AP1M1: variants seen among roughly 807,000 people sequenced by gnomAD.
AP1M1 encodes the protein AP-1 complex subunit mu-1.
In AP1M1, 18 loss-of-function variants were observed where a neutral mutation model predicts 57.1. That is an observed-to-expected ratio of 0.32 (90% CI 0.22 to 0.47). The LOEUF (loss-of-function observed/expected upper bound fraction) is 0.47. Ranked by LOEUF, AP1M1 falls within the 20% of genes least tolerant of loss-of-function variation. AP1M1 has a pLI of 1.00. For synonymous variants in AP1M1, 241 were observed against 237.9 expected, an observed-to-expected ratio of 1.01 and a Z score of -0.12; for missense variants, 362 against 593.5, an observed-to-expected ratio of 0.61 and a Z score of 4.05.
Position 16,233,570 on chromosome 19 carries a change from G to T in AP1M1, c.1125G>T (p.Pro375=), listed in dbSNP as rs199981304. The change falls in exon 10 of 12, where the codon CCG becomes CCT. Residue 375 remains proline, a synonymous_variant. Coordinates refer to ENST00000291439, the MANE Select transcript of AP1M1 (RefSeq NM_032493.4). The part of the protein sequence containing the change: ...VEAEDKEGKP[P]ISVKFEIPYF... ...CCGAAGACAAGGAGGGCAAGCCCCC[G>T]ATCAGTGTCAAGTTCGAGATCCCTT... The T allele has an allele frequency of 2.5e-6, 4 of 1,610,220 alleles. No individual in the cohort carries two copies. The highest frequency in any genetic ancestry group is 1.7e-6 in the Non-Finnish European group (2 of 1,178,498).
At position 16,240,056 on chromosome 19, in the gene AP1M1, A is replaced by G. The variant is rs2040759735; in HGVS notation, c.*5621A>G. The G allele has an allele frequency of 6.6e-6, 1 of 152,212 alleles. No individual in the cohort carries two copies. Among genetic ancestry groups the G allele is most frequent in the African/African-American group, 2.4e-5 (1 of 41,450 alleles). The allele number at this position is 152,212 out of a possible 1,614,324, so 9.4% of individuals were successfully genotyped here. Reference sequence around the variant, plus strand: ...CTTTTTTATTGTCATTATTCCTTAAATAATACAGTATAATGATTATGTAGC... The same window carrying G: ...CTTTTTTATTGTCATTATTCCTTAAGTAATACAGTATAATGATTATGTAGC... On this transcript the variant is annotated 3_prime_UTR_variant, in exon 12 of 12. Transcript: ENST00000291439.
At chr19:16,224,452 G>T (rs531973744) in intron 5 of AP1M1, among the ~76,000 whole-genome samples, 1 of 152,364 alleles carries the variant, frequency 6.6e-6, no homozygotes, top group South Asian at 2.1e-4. Flanking sequence ...TGCAGAGCTG[G>T]TGGCTGGGTC....
chr19:16,208,814 A>AT, intron 4 of AP1M1: 1 of 532,060 alleles, frequency 1.9e-6, no homozygotes, highest in Non-Finnish European at 3.3e-6. Context: ...ACTTGAGTGT[A>AT]TTGGCTTTTG....
Position 16,203,605 on chromosome 19 carries a change from C to T in AP1M1, c.189C>T (p.Asn63=). ...GGVRFMWIKH[N]NLYLVATSKK... ...TCCGTTTCATGTGGATCAAACACAA[C>T]AACCTGTATCGTATCCCTTTGCTGG... is the stretch of plus-strand genomic sequence containing the variant. The change falls in exon 2 of 12, where the codon AAC becomes AAT. Residue 63 remains asparagine (N), a synonymous_variant. Coordinates refer to ENST00000291439, the MANE Select transcript of AP1M1 (RefSeq NM_032493.4). The surrounding 1 kb of genome is among the most constrained non-coding windows in gnomAD (Gnocchi z 4.6). 2 of 1,610,498 alleles carry T rather than the reference C, an allele frequency of 1.2e-6. No homozygotes were observed. Among genetic ancestry groups the T allele is most frequent in the Non-Finnish European group, 1.7e-6 (2 of 1,177,740 alleles).
Position 16,239,857 on chromosome 19 carries a change from A to G in AP1M1, c.*5422A>G, listed in dbSNP as rs2091638875. Reference sequence around the variant, plus strand: ...AGACATAGATGAAGAGAATTAGTGCACTAGAAGAGAGCTGTCTGAGGCAGT... The same window carrying G: ...AGACATAGATGAAGAGAATTAGTGCGCTAGAAGAGAGCTGTCTGAGGCAGT... On this transcript the variant is annotated 3_prime_UTR_variant, in exon 12 of 12. Transcript: ENST00000291439. The G allele has an allele frequency of 6.6e-6, 1 of 152,150 alleles. No individual in the cohort carries two copies. Among genetic ancestry groups the G allele is most frequent in the African/African-American group, 2.4e-5 (1 of 41,440 alleles). 9.4% of individuals were successfully genotyped at this position (152,150 alleles called of 1,614,324 possible).
chr19:16,225,832 G>A (rs866856381), intron 5 of AP1M1, among the ~76,000 whole-genome samples: 1 of 152,134 alleles, frequency 6.6e-6, no homozygotes, highest in East Asian at 1.9e-4. Context: ...TAAGCCCTGG[G>A]GGGTGAGGGG....
rs968698483 is a variant in AP1M1 at position 16,238,305 on chromosome 19, A to G, written c.*3870A>G. 1 of 98,926 alleles carries G rather than the reference A, an allele frequency of 1.0e-5. No homozygotes were observed. Among genetic ancestry groups the G allele is most frequent in the Admixed American group, 1.0e-4 (1 of 9,832 alleles). The allele number at this position is 98,926 out of a possible 1,614,324, so 6.1% of individuals were successfully genotyped here. On this transcript the variant is annotated 3_prime_UTR_variant, in exon 12 of 12. Coordinates refer to ENST00000291439, the MANE Select transcript of AP1M1 (RefSeq NM_032493.4). ...AGAGAAATATCAGGTGTACAGTTAC[A>G]CTTACAGCAGCATAGTTCATGATAG...
intron 5 of AP1M1, among the ~76,000 whole-genome samples, chr19:16,210,027 A>C (rs2091486972): frequency 6.6e-6 from 1 of 151,858 alleles, no homozygotes; most frequent in South Asian, 2.1e-4. Flanking sequence ...GTTCTCCATC[A>C]CTGGAGTCTT....
chr19:16,227,714 GGC>G lies in AP1M1; in HGVS notation c.816+25_816+26del. On this transcript the variant is annotated intron_variant, in intron 7 of 11. Coordinates refer to ENST00000291439, the MANE Select transcript of AP1M1 (RefSeq NM_032493.4). This position sits in a 1 kb window ranked among gnomAD's most constrained non-coding sequence, Gnocchi z 6.2. ...ACGTGAGTGCGCCACCCTGGGGCTG[GGC>G]TGTCGGCAGACTCCTCCTCCCCTTC... 6.2e-7 allele frequency: 1 copy of G among 1,607,948 alleles called. No individual in the cohort carries two copies. Among genetic ancestry groups the G allele is most frequent in the Non-Finnish European group, 8.5e-7 (1 of 1,175,804 alleles).
At chr19:16,222,676 T>C (rs2091551460) in intron 5 of AP1M1, among the ~76,000 whole-genome samples, 1 of 152,162 alleles carries the variant, frequency 6.6e-6, no homozygotes, top group African/African-American at 2.4e-5. Flanking sequence ...GGTGCAGTTA[T>C]AGCTCACTGC....
chr19:16,233,724 G>A (rs2091609236), intron 10 of AP1M1, 106 bp downstream of exon 10: 1 of 1,407,220 alleles, frequency 7.1e-7, no homozygotes, highest in Non-Finnish European at 9.5e-7. Flanking sequence ...CTGCAATCAG[G>A]ACCCTGCTGT....
chr19:16,229,771 C>T (rs761898267), intron 9 of AP1M1, among the ~76,000 whole-genome samples: 27 of 152,224 alleles, frequency 1.8e-4, no homozygotes, highest in Admixed American at 8.5e-4. Flanking sequence ...CTAATACTCC[C>T]GTCAGCCTTT....
chr19:16,225,210 C>G (rs1599463863), intron 5 of AP1M1, among the ~76,000 whole-genome samples: 1 of 152,194 alleles, frequency 6.6e-6, no homozygotes, highest in Non-Finnish European at 1.5e-5. Flanking sequence ...GTTTGTCTAC[C>G]CAGTGCTTTT....
In AP1M1 at chr19:16,240,872, C is replaced by T. The variant is rs2091643261; in HGVS notation, c.*6437C>T. On this transcript the variant is annotated 3_prime_UTR_variant, in exon 12 of 12. Transcript: ENST00000291439. ...GAACATATCAGACTCAGGGAAGATC[C>T]TAACAGCAACACTAAGAGATTAAAA... 2 of 152,156 alleles carry T rather than the reference C, an allele frequency of 1.3e-5. No homozygotes were observed. Among genetic ancestry groups the T allele is most frequent in the Admixed American group, 6.6e-5 (1 of 15,256 alleles). 9.4% of individuals were successfully genotyped at this position (152,156 alleles called of 1,614,324 possible).
At chr19:16,208,712 A>G (rs983381044) in intron 4 of AP1M1, 10 of 263,044 alleles carry the variant, frequency 3.8e-5, no homozygotes, top group Admixed American at 4.8e-5. Context: ...CCACGTGCTC[A>G]GCAGGGACGG....
intron 5 of AP1M1, among the ~76,000 whole-genome samples, chr19:16,220,294 C>T (rs1019744332): frequency 1.3e-5 from 2 of 152,116 alleles, no homozygotes; most frequent in Admixed American, 6.6e-5. Flanking sequence ...ACTTTGACTC[C>T]AGTGATCATC....
At chr19:16,232,328 G>A (rs973912321) in intron 9 of AP1M1, among the ~76,000 whole-genome samples, 5 of 152,240 alleles carry the variant, frequency 3.3e-5, no homozygotes, top group Non-Finnish European at 2.9e-5. Context: ...AGCTCTCATC[G>A]AGAGCAGAAT....
At chr19:16,222,103 C>G (rs1313228108) in intron 5 of AP1M1, among the ~76,000 whole-genome samples, 1 of 152,020 alleles carries the variant, frequency 6.6e-6, no homozygotes, top group Non-Finnish European at 1.5e-5. Context: ...TTTCTTCTCT[C>G]TGTTAGATTG....
chr19:16,214,650 C>A (rs1211822768), intron 5 of AP1M1, among the ~76,000 whole-genome samples: 1 of 151,786 alleles, frequency 6.6e-6, no homozygotes, highest in South Asian at 2.1e-4. Flanking sequence ...CCACACCCGG[C>A]CTTCTTTTCA....
Sources: allele counts gnomAD v4.1 joint callset (sites outside exome capture counted in the v4.1 genomes callset), GRCh38; gene constraint gnomAD v4.1.1; non-coding constraint Gnocchi (gnomAD v3.1); transcripts MANE v1.5; gene names NCBI Gene and HGNC (gene_info 2026-07-23, HGNC 2026-07-21).